The following TBPL1 variants were observed in gnomAD, a reference collection of about 807,000 sequenced individuals.
TBPL1 encodes TATA box-binding protein-like 1.
In TBPL1, 4 loss-of-function variants were observed where a neutral mutation model predicts 22.1. The ratio of observed to expected loss-of-function variants is 0.18; its 90% CI spans 0.09 to 0.41. The LOEUF is 0.41. Among genes scored for constraint, TBPL1 ranks in the 10% least tolerant of loss-of-function variants. The probability of loss-of-function intolerance (pLI) is 1.00; values close to 1 mark genes in which losing one functional copy is unlikely to be tolerated. For synonymous variants in TBPL1, 64 were observed against 71.0 expected, an observed-to-expected ratio of 0.90 and a Z score of 0.50; for missense variants, 115 against 222.3, an observed-to-expected ratio of 0.52 and a Z score of 3.07.
In TBPL1 at chr6:133,984,490, G is replaced by T; in HGVS notation, c.386+11G>T. ...TAGACCTCATGCCAGGTAAGTCTTTGAAGCAATTTATCTTGAGAAATTACC... is the reference window on the plus strand; with the variant it reads ...TAGACCTCATGCCAGGTAAGTCTTTTAAGCAATTTATCTTGAGAAATTACC... On this transcript the variant is annotated intron_variant, in intron 5 of 6. Coordinates refer to ENST00000237264, the MANE Select transcript of TBPL1 (RefSeq NM_004865.4). The T allele has an allele frequency of 1.9e-6, 3 of 1,613,004 alleles. No individual in the cohort carries two copies. Among genetic ancestry groups the T allele is most frequent in the Non-Finnish European group, 2.5e-6 (3 of 1,179,422 alleles).
chr6:133,987,123 A>G lies in TBPL1; in HGVS notation c.*83A>G, dbSNP rs940727592. The G allele has an allele frequency of 4.7e-6, 4 of 851,840 alleles. No homozygotes were observed. The highest frequency in any genetic ancestry group is 7.3e-6 in the Non-Finnish European group (4 of 550,342). 52.8% of individuals were successfully genotyped at this position (851,840 alleles called of 1,614,324 possible). ...TGGACTCAAAAGGAAAACTGGACCA[A>G]CAATAATTGAGGAAATAGACTCTTT... On this transcript the variant is annotated 3_prime_UTR_variant, in exon 7 of 7. Coordinates refer to ENST00000237264, the MANE Select transcript of TBPL1 (RefSeq NM_004865.4).
In TBPL1 at chr6:133,987,005, C is replaced by A; in HGVS notation, c.526C>A (p.Pro176Thr). 6.2e-7 allele frequency: 1 copy of A among 1,608,472 alleles called. No individual in the cohort carries two copies. The highest frequency in any genetic ancestry group is 8.5e-7 in the Non-Finnish European group (1 of 1,177,422). Reference sequence around the variant, plus strand: ...TGCTACTGCTGTGGAACAGATTTACCCATTTGTGTTTGAAAGCAGGAAAGA... The same window carrying A: ...TGCTACTGCTGTGGAACAGATTTACACATTTGTGTTTGAAAGCAGGAAAGA... ...AVATAVEQIY[P>T]FVFESRKEIL The change falls in exon 7 of 7, where the codon CCA becomes ACA. Residue 176 changes from proline to threonine, a missense_variant. Coordinates refer to ENST00000237264, the MANE Select transcript of TBPL1 (RefSeq NM_004865.4).
intron 1 of TBPL1, among the ~76,000 whole-genome samples, chr6:133,963,079 C>T (rs937751030): frequency 6.6e-6 from 1 of 152,160 alleles, no homozygotes; most frequent in African/African-American, 2.4e-5. Flanking sequence ...TCATTTGTAA[C>T]ATTTTGTACT....
chr6:133,971,645 A>G (rs572083386), intron 1 of TBPL1, among the ~76,000 whole-genome samples: 1 of 152,002 alleles, frequency 6.6e-6, no homozygotes, highest in Non-Finnish European at 1.5e-5. Flanking sequence ...GTGAGGTGGT[A>G]TCTCATTGTG....
chr6:133,979,099 C>T (rs1776365077), intron 1 of TBPL1, among the ~76,000 whole-genome samples: 2 of 152,150 alleles, frequency 1.3e-5, no homozygotes, highest in South Asian at 4.1e-4. Context: ...AGATTCTGAT[C>T]TTGATAAAAA....
intron 3 of TBPL1, 59 bp downstream of exon 3, chr6:133,982,709 A>G (rs915302470): frequency 2.9e-5 from 46 of 1,593,794 alleles, no homozygotes; most frequent in Non-Finnish European, 3.9e-5. Context: ...TGGAAAGGAC[A>G]TTTTCCTAGA....
At chr6:133,955,821 T>C (rs1319383987) in intron 1 of TBPL1, among the ~76,000 whole-genome samples, 1 of 152,228 alleles carries the variant, frequency 6.6e-6, no homozygotes, top group Non-Finnish European at 1.5e-5. Flanking sequence ...CAATCTTGAC[T>C]GAAATTATAT....
At chr6:133,959,095 G>A (rs148190473) in intron 1 of TBPL1, among the ~76,000 whole-genome samples, 14 of 151,848 alleles carry the variant, frequency 9.2e-5, no homozygotes, top group East Asian at 1.9e-4. Context: ...ACTGGAGTGC[G>A]GTGGTGGCAT....
chr6:133,969,354 A>G lies in TBPL1; in HGVS notation c.-44-10728A>G, dbSNP rs887940453. ...GTACCTTGTAGCTTTCTTAATATAG[A>G]TTTTTTTAACCATAATTCACTTTGA... On this transcript the variant is annotated intron_variant, in intron 1 of 6. Transcript: ENST00000237264. 6.2e-5 allele frequency among the ~76,000 whole-genome samples: 9 copies of G among 146,068 alleles called. No individual in the cohort carries two copies. In the Admixed American group the frequency reaches 6.4e-4, roughly 10 times the overall value.
At chr6:133,986,741 T>C (rs886472382) in intron 6 of TBPL1, among the ~76,000 whole-genome samples, 5 of 152,208 alleles carry the variant, frequency 3.3e-5, no homozygotes, top group African/African-American at 1.2e-4. Flanking sequence ...GTGAATAACC[T>C]CATTTTGTGT....
chr6:133,959,523 C>T (rs1775985438), intron 1 of TBPL1, among the ~76,000 whole-genome samples: 1 of 151,934 alleles, frequency 6.6e-6, no homozygotes, highest in Non-Finnish European at 1.5e-5. Context: ...ACTCTGTCGC[C>T]CAGGCTGGAG....
chr6:133,978,316 T>C (rs1274005731), intron 1 of TBPL1, among the ~76,000 whole-genome samples: 1 of 152,230 alleles, frequency 6.6e-6, no homozygotes, highest in East Asian at 1.9e-4. Context: ...CTAAGTACTT[T>C]TCATACATTA....
Position 133,984,655 on chromosome 6 carries a change from A to G in TBPL1, c.465A>G (p.Gly155=). Residue 155 remains glycine, a synonymous_variant, in exon 6 of 7, where the codon GGA becomes GGG. Transcript: ENST00000237264. ...LRATLQIFST[G]SITVTGPNVK... The stretch of plus-strand genomic sequence containing the variant: ...CTACATTACAGATTTTTTCAACAGG[A>G]AGTATCACAGTAACAGGTATTCTAT... The G allele has an allele frequency of 6.2e-7, 1 of 1,611,796 alleles. No homozygotes were observed.
Position 133,988,821 on chromosome 6 carries a change from C to T in TBPL1, c.*1781C>T, listed in dbSNP as rs1320381431. 2.0e-5 allele frequency: 3 copies of T among 151,962 alleles called. No individual in the cohort carries two copies. The allele number at this position is 151,962 out of a possible 1,614,324, so 9.4% of individuals were successfully genotyped here. A position where few individuals can be genotyped will look rare whatever the true frequency, so the allele number is the denominator to read the frequency against. On this transcript the variant is annotated 3_prime_UTR_variant, in exon 7 of 7. Transcript: ENST00000237264. ...TAAAATTACATGAAAGAGTTACAAG[C>T]TCACTGTTTTAAAGACTTGACATTT...
At chr6:133,972,320 C>A (rs1435714866) in intron 1 of TBPL1, among the ~76,000 whole-genome samples, 1 of 152,170 alleles carries the variant, frequency 6.6e-6, no homozygotes, top group Non-Finnish European at 1.5e-5. Context: ...TCAAATTTCT[C>A]TCAAATATCT....
intron 4 of TBPL1, 137 bp from the exon 5 acceptor site, chr6:133,984,239 C>G: frequency 1.7e-6 from 1 of 604,748 alleles, no homozygotes; most frequent in Non-Finnish European, 2.8e-6. Context: ...TGCTACACAA[C>G]TTACAGTACT....
intron 4 of TBPL1, among the ~76,000 whole-genome samples, chr6:133,983,940 A>G (rs1226727580): frequency 3.3e-5 from 5 of 152,224 alleles, no homozygotes; most frequent in Non-Finnish European, 5.9e-5. Context: ...GCCTTATTGC[A>G]TATGAGAAAA....
At chr6:133,981,793 T>C (rs1776417712) in intron 2 of TBPL1, among the ~76,000 whole-genome samples, 1 of 152,232 alleles carries the variant, frequency 6.6e-6, no homozygotes, top group African/African-American at 2.4e-5. Context: ...AGAATGAGCA[T>C]CTAACAAATA....
intron 1 of TBPL1, among the ~76,000 whole-genome samples, chr6:133,953,836 A>G: frequency 6.6e-6 from 1 of 152,154 alleles, no homozygotes; most frequent in Admixed American, 6.5e-5. Flanking sequence ...CAAAGATGCT[A>G]GGGGTCCGTT....
Sources: gnomAD v4.1 joint callset for allele counts (sites outside exome capture counted in the v4.1 genomes callset) on GRCh38, gnomAD v4.1.1 for gene constraint, MANE v1.5 for transcripts, NCBI Gene and HGNC (gene_info 2026-07-23, HGNC 2026-07-21) for gene names.